DGKI: variants seen among roughly 807,000 people sequenced by gnomAD.
DGKI encodes DAG kinase iota.
Under a neutral mutation model 147.5 loss-of-function variants are expected in DGKI, and 55 were observed. That is an observed-to-expected ratio of 0.37 (90% CI 0.30 to 0.47). The LOEUF (loss-of-function observed/expected upper bound fraction) is 0.47. Among genes scored for constraint, DGKI ranks in the 20% least tolerant of loss-of-function variants. DGKI has a pLI of 1.00. For missense variants in DGKI, 1,007 were observed against 1,323.8 expected, an observed-to-expected ratio of 0.76 and a Z score of 3.71; for synonymous variants, 469 against 477.1, an observed-to-expected ratio of 0.98 and a Z score of 0.22.
rs1456992268 is a variant in DGKI at position 137,638,531 on chromosome 7, C to CATATATAT, written c.804+6940_804+6941insATATATAT. 2.6e-4 allele frequency among the ~76,000 whole-genome samples: 30 copies of CATATATAT among 114,428 alleles called. 1 individual carries two copies. The highest frequency in any genetic ancestry group is 4.8e-4 in the Non-Finnish European group (28 of 57,932). 75.1% of individuals were successfully genotyped at this position (114,428 alleles called of 152,430 possible). ...ATATATGTGTGTATATATATACACA[C>CATATATAT]ACATATATGTATATATATGTGTGTA... On this transcript the variant is annotated intron_variant, in intron 6 of 32. Coordinates refer to ENST00000614521, the MANE Select transcript of DGKI (RefSeq NM_001321708.2).
At chr7:137,474,691 T>G (rs1224983438) in intron 23 of DGKI, among the ~76,000 whole-genome samples, 1 of 152,128 alleles carries the variant, frequency 6.6e-6, no homozygotes, top group Non-Finnish European at 1.5e-5. Flanking sequence ...TTCCTGTCCT[T>G]GAGGTGTTAA....
chr7:137,540,012 C>T (rs146178854), intron 20 of DGKI, among the ~76,000 whole-genome samples: 9 of 152,146 alleles, frequency 5.9e-5, no homozygotes, highest in Admixed American at 3.9e-4. Flanking sequence ...TCAAATACTT[C>T]GAGCAACTAT....
chr7:137,434,819 G>A (rs936040081), intron 28 of DGKI, among the ~76,000 whole-genome samples: 8 of 152,220 alleles, frequency 5.3e-5, no homozygotes, highest in African/African-American at 1.7e-4. Flanking sequence ...AGCCCAGGGG[G>A]GTTTGTTTTG....
intron 1 of DGKI, among the ~76,000 whole-genome samples, chr7:137,802,311 C>T (rs1797238014): frequency 6.6e-6 from 1 of 152,106 alleles, no homozygotes; most frequent in Admixed American, 6.5e-5. Flanking sequence ...GACAGGTGCA[C>T]CAAAATCTCA....
intron 1 of DGKI, among the ~76,000 whole-genome samples, chr7:137,842,693 A>T (rs912343795): frequency 1.3e-5 from 2 of 152,180 alleles, no homozygotes; most frequent in Admixed American, 1.3e-4. Flanking sequence ...GGATATCTTC[A>T]TAGCAGGTGC....
chr7:137,425,748 G>A lies in DGKI; in HGVS notation c.2762-13541C>T, dbSNP rs190227989. Among the ~76,000 whole-genome samples, 4 of 152,336 alleles carry A rather than the reference G, an allele frequency of 2.6e-5. No homozygotes were observed. The East Asian group carries it at 7.7e-4, about 29-fold the overall frequency. On this transcript the variant is annotated intron_variant, in intron 28 of 32. Transcript: ENST00000614521. ...AGCCAAGGCTTGAGAACTACGTGAAGAATCCAGAAGCCTCGGGAGCCGATG... is the reference window on the plus strand; with the variant it reads ...AGCCAAGGCTTGAGAACTACGTGAAAAATCCAGAAGCCTCGGGAGCCGATG...
chr7:137,444,212 T>C, intron 27 of DGKI, 110 bp from the exon 28 acceptor site: 1 of 656,272 alleles, frequency 1.5e-6, no homozygotes, highest in Non-Finnish European at 2.5e-6. Flanking sequence ...GGAAAGTCAA[T>C]ATAGTAGACA....
intron 27 of DGKI, among the ~76,000 whole-genome samples, chr7:137,452,159 T>C (rs1223720713): frequency 6.6e-6 from 1 of 151,920 alleles, no homozygotes; most frequent in African/African-American, 2.4e-5. Context: ...TGGTGGGGAG[T>C]TGGCCAAGGG....
At chr7:137,469,414 C>G in intron 24 of DGKI, 136 bp downstream of exon 24, 1 of 788,664 alleles carries the variant, frequency 1.3e-6, no homozygotes, top group African/African-American at 1.7e-5. Context: ...GTTCCGCATG[C>G]CAATACCAGC....
intron 21 of DGKI, among the ~76,000 whole-genome samples, chr7:137,508,582 T>C (rs1563059491): frequency 1.3e-5 from 2 of 152,118 alleles, no homozygotes; most frequent in African/African-American, 4.8e-5. Context: ...AGCATTTACT[T>C]TAGCAAACTT....
chr7:137,753,965 G>A (rs1014983399), intron 1 of DGKI, among the ~76,000 whole-genome samples: 11 of 152,268 alleles, frequency 7.2e-5, no homozygotes, highest in Non-Finnish European at 1.5e-4. Context: ...AAAAAGAGGA[G>A]GAGGAGGAGG....
At chr7:137,748,951 T>C (rs771175368) in intron 1 of DGKI, among the ~76,000 whole-genome samples, 1 of 152,186 alleles carries the variant, frequency 6.6e-6, no homozygotes, top group Admixed American at 6.5e-5. Flanking sequence ...CTGAGTTAGA[T>C]GACAAGATAA....
In DGKI at chr7:137,598,421, C is replaced by T. The variant is rs143503225; in HGVS notation, c.1251-514G>A. ...AGCGAGACGGGGAGGCTTCCGCACT[C>T]TCAGATGTGAACACAGGTATCACAT... On this transcript the variant is annotated intron_variant, in intron 11 of 32. Transcript: ENST00000614521. Among the ~76,000 whole-genome samples the T allele has an allele frequency of 2.9e-3, 440 of 152,308 alleles. 2 individuals carry two copies. Among genetic ancestry groups the T allele is most frequent in the Middle Eastern group, 6.8e-3 (2 of 294 alleles).
At chr7:137,499,281 C>T (rs143850575) in intron 21 of DGKI, among the ~76,000 whole-genome samples, 1,664 of 152,176 alleles carry the variant, frequency 0.011, 22 homozygotes, top group Non-Finnish European at 0.014. Context: ...GCAGGTACAC[C>T]GGTGCCTATT....
intron 28 of DGKI, among the ~76,000 whole-genome samples, chr7:137,419,501 C>A (rs1812480455): frequency 6.6e-6 from 1 of 152,120 alleles, no homozygotes. Context: ...GAGCAGCCAG[C>A]CATGGTACAT....
chr7:137,533,102 CA>C (rs1366522818), intron 20 of DGKI, among the ~76,000 whole-genome samples: 2 of 151,940 alleles, frequency 1.3e-5, no homozygotes, highest in Non-Finnish European at 1.5e-5. Context: ...ACCCTGAAAA[CA>C]TAGTGAGATC....
At chr7:137,687,415 A>G (rs920040481) in intron 2 of DGKI, among the ~76,000 whole-genome samples, 3 of 152,228 alleles carry the variant, frequency 2.0e-5, no homozygotes, top group Non-Finnish European at 4.4e-5. Flanking sequence ...GTAGAAGATG[A>G]GGGAATCAAA....
At chr7:137,402,496 C>T (rs891370006) in intron 30 of DGKI, among the ~76,000 whole-genome samples, 1 of 152,230 alleles carries the variant, frequency 6.6e-6, no homozygotes, top group Non-Finnish European at 1.5e-5. Flanking sequence ...CTGCCCAGTA[C>T]TCATTCCATA....
intron 1 of DGKI, among the ~76,000 whole-genome samples, chr7:137,717,304 A>C (rs3800634): frequency 0.019 from 2,869 of 152,304 alleles, 133 homozygotes; most frequent in Admixed American, 0.098. Flanking sequence ...TTTGGCTCTC[A>C]AGAAGGAAAA....
Sources: gnomAD v4.1 joint callset for allele counts (sites outside exome capture counted in the v4.1 genomes callset) on GRCh38, gnomAD v4.1.1 for gene constraint, MANE v1.5 for transcripts, NCBI Gene and HGNC (gene_info 2026-07-23, HGNC 2026-07-21) for gene names.